Variants in CKAP5 observed in about 807,000 individuals in gnomAD.
CKAP5 encodes cytoskeleton-associated protein 5.
Under a neutral mutation model 232.8 loss-of-function variants are expected in CKAP5, and 27 were observed. That is an observed-to-expected ratio of 0.12 (90% CI 0.09 to 0.16). CKAP5 has a LOEUF of 0.16. Ranked by LOEUF, CKAP5 falls within the 10% of genes least tolerant of loss-of-function variation. The pLI is 1.00. For synonymous variants in CKAP5, 785 were observed against 841.1 expected, an observed-to-expected ratio of 0.93 and a Z score of 1.16; for missense variants, 1,838 against 2,424.7, an observed-to-expected ratio of 0.76 and a Z score of 5.08.
At chr11:46,784,276 G>A (rs549200776) in intron 17 of CKAP5, among the ~76,000 whole-genome samples, 11 of 152,118 alleles carry the variant, frequency 7.2e-5, no homozygotes, top group East Asian at 2.0e-4. Flanking sequence ...GCTGAAGCAG[G>A]AGAATCACTT....
intron 9 of CKAP5, among the ~76,000 whole-genome samples, chr11:46,800,088 T>C (rs955586811): frequency 3.9e-5 from 6 of 152,048 alleles, no homozygotes; most frequent in East Asian, 1.9e-4. Flanking sequence ...TTATTCCCAA[T>C]ATAAAAGTGT....
intron 13 of CKAP5, 26 bp downstream of exon 13, chr11:46,795,568 C>A: frequency 6.3e-7 from 1 of 1,581,118 alleles, no homozygotes; most frequent in African/African-American, 1.4e-5. Context: ...TCCTTACTAA[C>A]TTCTATTTTT....
chr11:46,776,193 G>A lies in CKAP5; in HGVS notation c.2991+62C>T, dbSNP rs1234147580. ...CCATAAATGCGTATTTATCAGACAGGCCCAAGCCCCTATGGAAGTAAATGA... is the reference window on the plus strand; with the variant it reads ...CCATAAATGCGTATTTATCAGACAGACCCAAGCCCCTATGGAAGTAAATGA... On this transcript the variant is annotated intron_variant, in intron 24 of 43. Transcript: ENST00000529230. 2.7e-6 allele frequency: 4 copies of A among 1,473,268 alleles called. No individual in the cohort carries two copies. The Admixed American group carries it at 5.4e-5, about 20-fold the overall frequency. 91.3% of individuals were successfully genotyped at this position (1,473,268 alleles called of 1,614,324 possible). A position where few individuals can be genotyped will look rare whatever the true frequency, so the allele number is the denominator to read the frequency against.
At chr11:46,802,577 C>T (rs1231545869) in intron 8 of CKAP5, among the ~76,000 whole-genome samples, 2 of 151,898 alleles carry the variant, frequency 1.3e-5, no homozygotes, top group Non-Finnish European at 2.9e-5. Context: ...CACACACACA[C>T]ACACACACAC....
At chr11:46,826,318 AT>A (rs1308039558) in intron 1 of CKAP5, among the ~76,000 whole-genome samples, 2 of 152,298 alleles carry the variant, frequency 1.3e-5, no homozygotes, top group East Asian at 3.9e-4. Flanking sequence ...CTGGCTGTGA[AT>A]TAGGACAACT....
intron 24 of CKAP5, among the ~76,000 whole-genome samples, chr11:46,775,794 G>A (rs2065285213): frequency 6.6e-6 from 1 of 152,058 alleles, no homozygotes; most frequent in Non-Finnish European, 1.5e-5. Flanking sequence ...GGCACAGGGA[G>A]GGGAACATCA....
At chr11:46,821,448 G>T (rs1390351907) in intron 1 of CKAP5, among the ~76,000 whole-genome samples, 180 bp from the exon 2 acceptor site, 3 of 99,888 alleles carry the variant, frequency 3.0e-5, no homozygotes, top group East Asian at 7.2e-4. Context: ...TTTTTGAGAC[G>T]GAGTCTCGCT....
At chr11:46,833,678 C>T (rs949888736) in intron 1 of CKAP5, among the ~76,000 whole-genome samples, 3 of 151,504 alleles carry the variant, frequency 2.0e-5, no homozygotes, top group Non-Finnish European at 2.9e-5. Flanking sequence ...GGGGTTTCAC[C>T]GTGCTAGCCA....
Position 46,763,059 on chromosome 11 carries a change from A to C in CKAP5, c.3808T>G (p.Leu1270Val). ...TCTTCACTTAGCAAGGTGAAGAGCA[A>C]TTTTAAATATTCTAGTGCTTTCATC... Reference protein sequence around the residue: ...VLMKALEYLKLLFTLLSEEEY... With the variant: ...VLMKALEYLKVLFTLLSEEEY... Residue 1270 changes from leucine to valine, a missense_variant, in exon 30 of 44, where the codon TTG becomes GTG. By Grantham distance (32) the Leu-to-Val change is conservative. Around this residue, in one of 6 missense-constraint regions of CKAP5, gnomAD observed 48 missense variants for 98.1 expected, o/e 0.49. Transcript: ENST00000529230. 6.2e-7 allele frequency: 1 copy of C among 1,613,634 alleles called. No individual in the cohort carries two copies. Among genetic ancestry groups the C allele is most frequent in the Non-Finnish European group, 8.5e-7 (1 of 1,179,532 alleles).
At chr11:46,793,217 C>A (rs916198793) in intron 13 of CKAP5, among the ~76,000 whole-genome samples, 4 of 152,170 alleles carry the variant, frequency 2.6e-5, no homozygotes, top group African/African-American at 9.7e-5. Context: ...ATAATGAATA[C>A]CTACCTCAAG....
chr11:46,820,885 T>C (rs1939508518), intron 2 of CKAP5: 1 of 227,108 alleles, frequency 4.4e-6, no homozygotes, highest in African/African-American at 2.3e-5. Flanking sequence ...GTACCAGAAG[T>C]ATATTGTACT....
chr11:46,845,715 A>T (rs1395457076), intron 1 of CKAP5, among the ~76,000 whole-genome samples: 1 of 152,234 alleles, frequency 6.6e-6, no homozygotes, highest in Non-Finnish European at 1.5e-5. Context: ...AATCGTTCAC[A>T]TCGCAGCAAG....
At chr11:46,750,181 T>C in intron 42 of CKAP5, 93 bp downstream of exon 42, 1 of 1,277,072 alleles carries the variant, frequency 7.8e-7, no homozygotes, top group Non-Finnish European at 1.1e-6. Flanking sequence ...GTATTGAGGT[T>C]CATGGATATG....
At chr11:46,769,559 G>A (rs1257939567) in intron 26 of CKAP5, among the ~76,000 whole-genome samples, 1 of 152,022 alleles carries the variant, frequency 6.6e-6, no homozygotes, top group Non-Finnish European at 1.5e-5. Context: ...AGCCAGGTGT[G>A]ATGGCGCATG....
intron 1 of CKAP5, among the ~76,000 whole-genome samples, chr11:46,833,677 C>T (rs145002206): frequency 1.3e-5 from 2 of 151,546 alleles, no homozygotes; most frequent in East Asian, 3.9e-4. Context: ...TGGGGTTTCA[C>T]CGTGCTAGCC....
At chr11:46,773,501 G>A (rs1592448143) in intron 24 of CKAP5, among the ~76,000 whole-genome samples, 1 of 151,670 alleles carries the variant, frequency 6.6e-6, no homozygotes, top group East Asian at 1.9e-4. Context: ...CACCCACCGT[G>A]GCCTCCCAAA....
intron 13 of CKAP5, among the ~76,000 whole-genome samples, chr11:46,792,831 G>T: frequency 6.6e-6 from 1 of 152,144 alleles, no homozygotes; most frequent in Non-Finnish European, 1.5e-5. Context: ...ATCTTTTAAG[G>T]TTTTGGGTCC....
chr11:46,835,715 A>G (rs1177557862), intron 1 of CKAP5, among the ~76,000 whole-genome samples: 2 of 152,200 alleles, frequency 1.3e-5, no homozygotes, highest in Non-Finnish European at 1.5e-5. Context: ...TCTTCCTTAC[A>G]AAATTCCGAA....
chr11:46,831,382 ACTCT>A lies in CKAP5; in HGVS notation c.-37-10118_-37-10115del, dbSNP rs1468156123. Among the ~76,000 whole-genome samples the A allele has an allele frequency of 2.6e-5, 4 of 151,686 alleles. No individual in the cohort carries two copies. The South Asian group carries it at 8.3e-4, about 32-fold the overall frequency. On this transcript the variant is annotated intron_variant, in intron 1 of 43. Coordinates refer to ENST00000529230, the MANE Select transcript of CKAP5 (RefSeq NM_001008938.4). ...ATACTCATCCCATAGGCTACACTTCACTCTCTCTCTTAACATTTTTTGTATACAT... is the reference window on the plus strand; with the variant it reads ...ATACTCATCCCATAGGCTACACTTCACTCTCTTAACATTTTTTGTATACAT...
Sources: allele counts gnomAD v4.1 joint callset (sites outside exome capture counted in the v4.1 genomes callset), GRCh38; gene constraint gnomAD v4.1.1; regional missense constraint gnomAD v4.1.1; transcripts MANE v1.5; gene names NCBI Gene and HGNC (gene_info 2026-07-23, HGNC 2026-07-21).